CACNA1C: variants seen among roughly 807,000 people sequenced by gnomAD.
CACNA1C encodes the protein voltage-dependent L-type calcium channel subunit alpha-1C.
A neutral mutation model predicts 229.0 loss-of-function variants in CACNA1C; 30 were observed. The ratio of observed to expected loss-of-function variants is 0.13; its 90% CI spans 0.10 to 0.18. The LOEUF is 0.18. Among genes scored for constraint, CACNA1C ranks in the 10% least tolerant of loss-of-function variants. CACNA1C has a pLI of 1.00. For missense variants in CACNA1C, 1,658 were observed against 2,845.0 expected, an observed-to-expected ratio of 0.58 and a Z score of 9.49; for synonymous variants, 1,114 against 1,132.5, an observed-to-expected ratio of 0.98 and a Z score of 0.33.
intron 3 of CACNA1C, among the ~76,000 whole-genome samples, chr12:2,322,141 T>C (rs571729057): frequency 1.3e-5 from 2 of 152,382 alleles, no homozygotes; most frequent in South Asian, 4.1e-4. Flanking sequence ...ATTGTTTATC[T>C]TTACAAGTTA....
chr12:2,224,123 T>C (rs2062221138), intron 3 of CACNA1C, among the ~76,000 whole-genome samples: 1 of 152,236 alleles, frequency 6.6e-6, no homozygotes, highest in South Asian at 2.1e-4. Context: ...CTGAACCTCC[T>C]GCCTGCTGAT....
chr12:1,971,162 C>T lies in CACNA1C; in HGVS notation c.100C>T (p.His34Tyr). 7.8e-7 allele frequency: 1 copy of T among 1,289,074 alleles called. No homozygotes were observed. Among genetic ancestry groups the T allele is most frequent in the Non-Finnish European group, 1.0e-6 (1 of 988,256 alleles). The allele number at this position is 1,289,074 out of a possible 1,614,324, so 79.9% of individuals were successfully genotyped here. A position where few individuals can be genotyped will look rare whatever the true frequency, so the allele number is the denominator to read the frequency against. Residue 34 changes from histidine (H) to tyrosine (Y), a missense_variant, in exon 1 of 47, where the codon CAT becomes TAT. His to Tyr is a moderately conservative substitution (Grantham distance 83). Coordinates refer to the CACNA1C transcript ENST00000682462. This position sits in a 1 kb window ranked among gnomAD's most constrained non-coding sequence, Gnocchi z 4.2. The stretch of plus-strand genomic sequence containing the variant: ...GGTCAAGTTTAAGGGTACTTTGGTG[C>T]ATGAAGCTCAACTCAACTATTTCTA...
intron 8 of CACNA1C, among the ~76,000 whole-genome samples, chr12:2,505,486 C>G (rs868621997): frequency 6.6e-6 from 1 of 152,164 alleles, no homozygotes; most frequent in Middle Eastern, 3.4e-3. Flanking sequence ...AATTTCAGCC[C>G]TTGCTCAGAT....
In CACNA1C at chr12:2,462,308, T is replaced by TGC. The variant is rs1567829445; in HGVS notation, c.757+4602_757+4603insGC. 5.2e-3 allele frequency among the ~76,000 whole-genome samples: 474 copies of TGC among 90,620 alleles called. 8 individuals are homozygous for TGC. Among genetic ancestry groups the TGC allele is most frequent in the East Asian group, 0.018 (32 of 1,826 alleles). The allele number at this position is 90,620 out of a possible 152,430, so 59.5% of individuals were successfully genotyped here. The stretch of plus-strand genomic sequence containing the variant: ...CGGCACCCCCTCGGCTCAGCTCTCA[T>TGC]ACAGGCCTGCGCACCTCCTCGGCCC... On this transcript the variant is annotated intron_variant, in intron 5 of 46. Coordinates refer to ENST00000399655, the MANE Select transcript of CACNA1C (RefSeq NM_000719.7).
chr12:2,616,940 C>A (rs758562), intron 29 of CACNA1C, among the ~76,000 whole-genome samples: 103,087 of 152,202 alleles, frequency 0.68, 38,929 homozygotes, highest in Non-Finnish European at 0.84. Context: ...GGGGCTGTGG[C>A]TCCTGTCTGC....
intron 3 of CACNA1C, among the ~76,000 whole-genome samples, chr12:2,300,293 C>T (rs2094450910): frequency 6.6e-6 from 1 of 152,184 alleles, no homozygotes; most frequent in Non-Finnish European, 1.5e-5. Context: ...CTCCTGTTTG[C>T]TCAGCTTTGT....
chr12:2,515,974 A>C (rs1457745715), intron 9 of CACNA1C, among the ~76,000 whole-genome samples: 2 of 152,148 alleles, frequency 1.3e-5, no homozygotes, highest in African/African-American at 4.8e-5. Context: ...TGAACAAGGG[A>C]GTCAAAAGTC....
In CACNA1C at chr12:1,994,550, T is replaced by A. The variant is rs1418333667; in HGVS notation, c.139+23349T>A. On this transcript the variant is annotated intron_variant, in intron 1 of 46. Coordinates refer to the CACNA1C transcript ENST00000682462. Reference sequence around the variant, plus strand: ...TCATGATCATCACTTCAACTTAAATTCAGAGGAAGAATGAAAATGTACTCC... The same window carrying A: ...TCATGATCATCACTTCAACTTAAATACAGAGGAAGAATGAAAATGTACTCC... 2.0e-5 allele frequency among the ~76,000 whole-genome samples: 3 copies of A among 152,180 alleles called. No individual in the cohort carries two copies. In the East Asian group the frequency reaches 5.8e-4, roughly 29 times the overall value.
At chr12:2,282,244 G>A (rs1055565328) in intron 3 of CACNA1C, among the ~76,000 whole-genome samples, 1 of 152,174 alleles carries the variant, frequency 6.6e-6, no homozygotes, top group African/African-American at 2.4e-5. Flanking sequence ...GGACTTCGCA[G>A]GACTTGACAT....
At chr12:2,401,232 GTGTCC>G (rs1012456653) in intron 3 of CACNA1C, among the ~76,000 whole-genome samples, 1 of 152,220 alleles carries the variant, frequency 6.6e-6, no homozygotes, top group Non-Finnish European at 1.5e-5. Flanking sequence ...GTGGGAACCT[GTGTCC>G]CCTGCCCCCT....
intron 3 of CACNA1C, among the ~76,000 whole-genome samples, chr12:2,367,961 A>G (rs1430829541): frequency 6.6e-6 from 1 of 152,210 alleles, no homozygotes. Context: ...ATGTACACAG[A>G]TGAAAAAAGA....
rs530248358 is a variant in CACNA1C at position 2,261,586 on chromosome 12, C to T, written c.477+141156C>T. On this transcript the variant is annotated intron_variant, in intron 3 of 46. Coordinates refer to ENST00000399655, the MANE Select transcript of CACNA1C (RefSeq NM_000719.7). Reference sequence around the variant, plus strand: ...TCCTTGGGACACACTTTGAGAAACACTGGATTAATAAGTCATGACAAGTGT... The same window carrying T: ...TCCTTGGGACACACTTTGAGAAACATTGGATTAATAAGTCATGACAAGTGT... Among the ~76,000 whole-genome samples the T allele has an allele frequency of 3.9e-5, 6 of 152,330 alleles. No homozygotes were observed. In the East Asian group the frequency reaches 1.2e-3, roughly 29 times the overall value.
At chr12:2,424,916 A>G (rs1229559176) in intron 3 of CACNA1C, among the ~76,000 whole-genome samples, 2 of 152,166 alleles carry the variant, frequency 1.3e-5, no homozygotes, top group African/African-American at 4.8e-5. Flanking sequence ...GTGGTCCTCT[A>G]TTGGCCAACA....
At chr12:2,490,267 T>C (rs1423114815) in intron 6 of CACNA1C, among the ~76,000 whole-genome samples, 4 of 152,258 alleles carry the variant, frequency 2.6e-5, no homozygotes, top group Non-Finnish European at 4.4e-5. Context: ...TCCCCAGAGA[T>C]GTTTTCCTTT....
At chr12:2,468,608 T>C (rs2099572961) in intron 5 of CACNA1C, among the ~76,000 whole-genome samples, 1 of 152,350 alleles carries the variant, frequency 6.6e-6, no homozygotes, top group Non-Finnish European at 1.5e-5. Context: ...TTCTGGGCTG[T>C]AGGGCGCCCT....
At chr12:2,096,171 CT>C (rs1227801947) in intron 1 of CACNA1C, among the ~76,000 whole-genome samples, 1 of 152,184 alleles carries the variant, frequency 6.6e-6, no homozygotes, top group Non-Finnish European at 1.5e-5. Flanking sequence ...GGTCCGATGC[CT>C]GATTTTTAAC....
chr12:2,615,391 G>A (rs541567051), intron 29 of CACNA1C, among the ~76,000 whole-genome samples: 2 of 152,288 alleles, frequency 1.3e-5, no homozygotes, highest in Non-Finnish European at 2.9e-5. Context: ...TAACAGAAAT[G>A]GCTAAGATCT....
At position 2,152,712 on chromosome 12, in the gene CACNA1C, C is replaced by T. The variant is rs1249266921; in HGVS notation, c.477+32282C>T. Among the ~76,000 whole-genome samples, 2 of 152,138 alleles carry T rather than the reference C, an allele frequency of 1.3e-5. No homozygotes were observed. The highest frequency in any genetic ancestry group is 2.4e-5 in the African/African-American group (1 of 41,428). Reference sequence around the variant, plus strand: ...AAATTAAGAAATAAAAATAAAACAACAGATAGCACTTGGATAAGTTGGCCA... The same window carrying T: ...AAATTAAGAAATAAAAATAAAACAATAGATAGCACTTGGATAAGTTGGCCA... On this transcript the variant is annotated intron_variant, in intron 3 of 46. Transcript: ENST00000399655. The surrounding 1 kb of genome is among the most constrained non-coding windows in gnomAD (Gnocchi z 4.2).
At chr12:2,088,103 T>C (rs1294802451) in intron 1 of CACNA1C, among the ~76,000 whole-genome samples, 2 of 152,252 alleles carry the variant, frequency 1.3e-5, no homozygotes, top group Non-Finnish European at 2.9e-5. Flanking sequence ...AAGTAATTCA[T>C]GTTTCTAACA....
Sources: gnomAD v4.1 joint callset for allele counts (sites outside exome capture counted in the v4.1 genomes callset) on GRCh38, gnomAD v4.1.1 for gene constraint, Gnocchi (gnomAD v3.1) non-coding constraint, MANE v1.5 for transcripts, NCBI Gene and HGNC (gene_info 2026-07-23, HGNC 2026-07-21) for gene names.